NYAP2: variants seen among roughly 807,000 people sequenced by gnomAD.
NYAP2 encodes the protein neuronal tyrosine-phosphorylated phosphoinositide-3-kinase adaptor 2.
A neutral mutation model predicts 50.4 loss-of-function variants in NYAP2; 23 were observed. The ratio of observed to expected loss-of-function variants is 0.46; its 90% CI spans 0.33 to 0.65. The LOEUF (loss-of-function observed/expected upper bound fraction) is 0.65. Ranked by LOEUF, NYAP2 falls within the 30% of genes least tolerant of loss-of-function variation. The pLI is 0.02. For synonymous variants in NYAP2, 394 were observed against 365.2 expected, an observed-to-expected ratio of 1.08 and a Z score of -0.90; for missense variants, 885 against 861.0, an observed-to-expected ratio of 1.03 and a Z score of -0.35.
the NYAP2 span, among the ~76,000 whole-genome samples, chr2:225,660,477 C>CTTTTTTTTTTTT: frequency 7.9e-6 from 1 of 125,804 alleles, no homozygotes. Context: ...TCAGCATTTA[C>CTTTTTTTTTTTT]TTAAAGATTC....
intron 4 of NYAP2, among the ~76,000 whole-genome samples, chr2:225,569,439 G>C (rs1460500035): frequency 6.9e-6 from 1 of 144,692 alleles, no homozygotes; most frequent in South Asian, 2.1e-4. Flanking sequence ...GGAGGAGTGA[G>C]GGGGGGAGGT....
At chr2:225,604,270 T>C (rs760386660) in intron 5 of NYAP2, among the ~76,000 whole-genome samples, 1 of 152,140 alleles carries the variant, frequency 6.6e-6, no homozygotes. Flanking sequence ...TATTGCCACA[T>C]AAAATTCCCA....
At chr2:225,554,889 A>C (rs765387340) in intron 4 of NYAP2, among the ~76,000 whole-genome samples, 5 of 152,184 alleles carry the variant, frequency 3.3e-5, no homozygotes, top group Non-Finnish European at 7.3e-5. Context: ...ATTTTACTAT[A>C]TATGTATATT....
At chr2:225,656,855 C>G (rs984787663), downstream of NYAP2, among the ~76,000 whole-genome samples, 1 of 152,142 alleles carries the variant, frequency 6.6e-6, no homozygotes. Flanking sequence ...CTCAACACCT[C>G]TCTCTATAAA....
At chr2:225,399,566 C>T (rs1694823502), upstream of NYAP2, 1 of 151,878 alleles carries the variant, frequency 6.6e-6, no homozygotes, top group African/African-American at 2.4e-5. Flanking sequence ...GACCTTTGTT[C>T]CACACACGTG....
intron 4 of NYAP2, among the ~76,000 whole-genome samples, chr2:225,578,360 T>C (rs1692205337): frequency 6.6e-6 from 1 of 152,132 alleles, no homozygotes; most frequent in Non-Finnish European, 1.5e-5. Context: ...GGGAAGAAGC[T>C]TGCCTAGATA....
Position 225,582,670 on chromosome 2 carries a change from C to G in NYAP2, c.1253C>G (p.Ser418Cys). 6.3e-7 allele frequency: 1 copy of G among 1,597,916 alleles called. No homozygotes were observed. Among genetic ancestry groups the G allele is most frequent in the Non-Finnish European group, 8.5e-7 (1 of 1,171,212 alleles). ...CTCTCCTCGTCGCCCCCACCCCCGTCTACGCTGTACCGAACCCAGTCTCCC... is the reference window on the plus strand; with the variant it reads ...CTCTCCTCGTCGCCCCCACCCCCGTGTACGCTGTACCGAACCCAGTCTCCC... Residue 418 changes from serine (S) to cysteine (C), a missense_variant, in exon 5 of 7, where the codon TCT becomes TGT. Physicochemically the swap from Ser to Cys is moderately radical, Grantham distance 112. Transcript: ENST00000636099. This position sits in a 1 kb window ranked among gnomAD's most constrained non-coding sequence, Gnocchi z 7.0.
intron 6 of NYAP2, among the ~76,000 whole-genome samples, chr2:225,639,213 C>A (rs1298237944): frequency 2.0e-5 from 3 of 152,122 alleles, no homozygotes; most frequent in Non-Finnish European, 4.4e-5. Flanking sequence ...TATGTTCAAA[C>A]AAACAGTTAA....
At chr2:225,683,596 T>C in the NYAP2 span, among the ~76,000 whole-genome samples, 1 of 152,196 alleles carries the variant, frequency 6.6e-6, no homozygotes, top group Admixed American at 6.5e-5. Flanking sequence ...ATGGAATCCC[T>C]GGGTAGGTTC....
chr2:225,632,718 A>G (rs1338278533), intron 6 of NYAP2, among the ~76,000 whole-genome samples: 2 of 152,214 alleles, frequency 1.3e-5, no homozygotes, highest in African/African-American at 2.4e-5. Flanking sequence ...ACAAGTAAAT[A>G]TGGTATTGAC....
chr2:225,582,059 G>T lies in NYAP2; in HGVS notation c.642G>T (p.Lys214Asn). The T allele has an allele frequency of 6.2e-7, 1 of 1,614,052 alleles. No homozygotes were observed. Among genetic ancestry groups the T allele is most frequent in the Non-Finnish European group, 8.5e-7 (1 of 1,179,910 alleles). Residue 214 changes from lysine (K) to asparagine (N), a missense_variant, in exon 5 of 7, where the codon AAG becomes AAT. Lys to Asn is a moderately conservative substitution (Grantham distance 94). Coordinates refer to ENST00000636099, the Ensembl canonical transcript of NYAP2. The surrounding 1 kb of genome is among the most constrained non-coding windows in gnomAD (Gnocchi z 7.0). ...CTTTCGATGAAACGTACATCAAAAA[G>T]CATGGGCCCCGGAGGACGTCGCTGC... is the stretch of plus-strand genomic sequence containing the variant.
the NYAP2 span, among the ~76,000 whole-genome samples, chr2:225,688,034 T>G: frequency 6.6e-6 from 1 of 152,180 alleles, no homozygotes; most frequent in African/African-American, 2.4e-5. Flanking sequence ...AGAATTTGCA[T>G]TTTAATAAAC....
chr2:225,468,968 GA>G (rs1487033902), intron 3 of NYAP2, among the ~76,000 whole-genome samples: 4 of 151,824 alleles, frequency 2.6e-5, no homozygotes, highest in Non-Finnish European at 5.9e-5. Flanking sequence ...AAAAAATAAG[GA>G]AAAAAACACT....
chr2:225,563,864 C>T (rs1294715741), intron 4 of NYAP2, among the ~76,000 whole-genome samples: 2 of 151,808 alleles, frequency 1.3e-5, no homozygotes, highest in African/African-American at 4.8e-5. Flanking sequence ...GGTTAATATC[C>T]CATCCTGACT....
chr2:225,639,828 A>G (rs896321182), intron 6 of NYAP2, among the ~76,000 whole-genome samples: 7 of 152,168 alleles, frequency 4.6e-5, no homozygotes, highest in African/African-American at 1.7e-4. Context: ...CGCTTCCTTT[A>G]GAGTGTGTTT....
chr2:225,560,492 C>T (rs1310093689), intron 4 of NYAP2, among the ~76,000 whole-genome samples: 1 of 152,102 alleles, frequency 6.6e-6, no homozygotes, highest in East Asian at 1.9e-4. Context: ...GAATTTGATA[C>T]ATGATGCTAA....
intron 5 of NYAP2, among the ~76,000 whole-genome samples, chr2:225,587,184 A>C (rs1186721019): frequency 6.6e-6 from 1 of 152,172 alleles, no homozygotes; most frequent in Non-Finnish European, 1.5e-5. Context: ...ATTTGAGATG[A>C]GATTTGGTGG....
rs574147813 is a variant in NYAP2, at chr2:225,424,466, A to T, written c.221+15365A>T. Reference sequence around the variant, plus strand: ...TCATAAATTAACATAGAAATTTTAAATTTTTTTTAATATTGGCTTTTGAGA... The same window carrying T: ...TCATAAATTAACATAGAAATTTTAATTTTTTTTTAATATTGGCTTTTGAGA... On this transcript the variant is annotated intron_variant, in intron 3 of 6. Transcript: ENST00000636099. Among the ~76,000 whole-genome samples, 15 of 151,964 alleles carry T rather than the reference A, an allele frequency of 9.9e-5. No individual in the cohort carries two copies. In the South Asian group the frequency reaches 1.5e-3, roughly 15 times the overall value.
At chr2:225,497,580 A>G (rs773751398) in intron 3 of NYAP2, among the ~76,000 whole-genome samples, 1 of 152,216 alleles carries the variant, frequency 6.6e-6, no homozygotes, top group Non-Finnish European at 1.5e-5. Flanking sequence ...AAAACTCTTC[A>G]TGAATAAAAC....
Sources: gnomAD v4.1 joint callset for allele counts (sites outside exome capture counted in the v4.1 genomes callset) on GRCh38, gnomAD v4.1.1 for gene constraint, Gnocchi (gnomAD v3.1) non-coding constraint, MANE v1.5 for transcripts, NCBI Gene and HGNC (gene_info 2026-07-23, HGNC 2026-07-21) for gene names.